ZNF566: variants seen among roughly 807,000 people sequenced by gnomAD.
The protein encoded by ZNF566 is zinc finger protein 566.
ZNF566 carries 27 observed loss-of-function variants against 32.8 expected under a neutral mutation model. The observed-to-expected ratio is 0.82, with a 90% CI of 0.61 to 1.14. ZNF566 has a LOEUF of 1.14. ZNF566 is among the 50% of genes most tolerant of loss of function. ZNF566 has a pLI of 0.00. For synonymous variants in ZNF566, 154 were observed against 159.5 expected, an observed-to-expected ratio of 0.97 and a Z score of 0.26; for missense variants, 402 against 490.4, an observed-to-expected ratio of 0.82 and a Z score of 1.70.
chr19:36,468,223 C>T (rs919877088), intron 4 of ZNF566, among the ~76,000 whole-genome samples: 2 of 150,630 alleles, frequency 1.3e-5, no homozygotes, highest in Non-Finnish European at 2.9e-5. Flanking sequence ...TTGACAATAC[C>T]GTACATTAGG....
intron 1 of ZNF566, among the ~76,000 whole-genome samples, chr19:36,480,169 C>T (rs907002165): frequency 6.6e-6 from 1 of 152,034 alleles, no homozygotes; most frequent in Non-Finnish European, 1.5e-5. Context: ...GATTTCAAGA[C>T]AGCAGTACAG....
At chr19:36,464,405 C>T (rs1204873292) in intron 4 of ZNF566, among the ~76,000 whole-genome samples, 1 of 152,086 alleles carries the variant, frequency 6.6e-6, no homozygotes, top group Non-Finnish European at 1.5e-5. Context: ...AACCCTCCTG[C>T]CTTAACTTCC....
intron 1 of ZNF566, among the ~76,000 whole-genome samples, chr19:36,480,131 GA>G (rs558512822): frequency 4.3e-4 from 65 of 151,670 alleles, no homozygotes; most frequent in African/African-American, 1.5e-3. Flanking sequence ...GCTTGGAAAA[GA>G]AAAAAAGTAG....
intron 4 of ZNF566, among the ~76,000 whole-genome samples, chr19:36,461,888 T>C (rs1484177634): frequency 6.6e-6 from 1 of 152,108 alleles, no homozygotes; most frequent in African/African-American, 2.4e-5. Context: ...ACTTACACTT[T>C]AGTTCTTAAA....
At chr19:36,473,099 A>T (rs2033805455) in intron 3 of ZNF566, 93 bp from the exon 4 acceptor site, 2 of 1,243,744 alleles carry the variant, frequency 1.6e-6, no homozygotes, top group Admixed American at 2.0e-5. Flanking sequence ...ACATGGCATT[A>T]TGAGAAGAGT....
At position 36,449,601 on chromosome 19, in the gene ZNF566, G is replaced by A; in HGVS notation, c.633C>T (p.Pro211=). The change falls in exon 5 of 5, where the codon CCC becomes CCT. Residue 211 remains proline, a synonymous_variant. Coordinates refer to ENST00000452939, the MANE Select transcript of ZNF566 (RefSeq NM_001145344.1). The part of the protein sequence containing the change: ...CKECGKSFRH[P]SRLTHHQKIH... ...TTTTCTGATGATGAGTGAGTCTTGA[G>A]GGATGTCTAAAGGACTTTCCACATT... The A allele has an allele frequency of 6.2e-7, 1 of 1,614,086 alleles. No individual in the cohort carries two copies. The highest frequency in any genetic ancestry group is 1.3e-5 in the African/African-American group (1 of 75,026).
At chr19:36,465,664 G>A (rs956731919) in intron 4 of ZNF566, among the ~76,000 whole-genome samples, 1 of 151,582 alleles carries the variant, frequency 6.6e-6, no homozygotes, top group African/African-American at 2.4e-5. Context: ...TAGTAGAGAC[G>A]GGGTTTCATC....
chr19:36,462,956 CAAAAAAAAAAA>C lies in ZNF566; in HGVS notation c.232+9944_232+9954del, dbSNP rs755283751. 6.5e-4 allele frequency among the ~76,000 whole-genome samples: 25 copies of C among 38,562 alleles called. 1 individual carries two copies. The highest frequency in any genetic ancestry group is 1.9e-3 in the African/African-American group (19 of 10,120). The allele number at this position is 38,562 out of a possible 152,430, so 25.3% of individuals were successfully genotyped here. Reference sequence around the variant, plus strand: ...TGGGTGACACAGCGAGACTCTGTCTCAAAAAAAAAAAAAAAAAAAAAAAAAAAAAAAAAATC... The same window carrying C: ...TGGGTGACACAGCGAGACTCTGTCTCAAAAAAAAAAAAAAAAAAAAAAATC... On this transcript the variant is annotated intron_variant, in intron 4 of 4. Transcript: ENST00000452939.
At chr19:36,461,434 T>C (rs2033458449) in intron 4 of ZNF566, among the ~76,000 whole-genome samples, 1 of 152,026 alleles carries the variant, frequency 6.6e-6, no homozygotes, top group Non-Finnish European at 1.5e-5. Context: ...ACTTTGGGAG[T>C]CCGAGGCAGG....
At chr19:36,473,570 G>T in intron 2 of ZNF566, 112 bp from the exon 3 acceptor site, 1 of 961,158 alleles carries the variant, frequency 1.0e-6, no homozygotes, top group Non-Finnish European at 1.5e-6. Flanking sequence ...GTGAGCATAT[G>T]AATGTCTGGG....
At chr19:36,453,472 CAAATAAAT>C (rs918177874) in intron 4 of ZNF566, among the ~76,000 whole-genome samples, 170 of 143,140 alleles carry the variant, frequency 1.2e-3, no homozygotes, top group African/African-American at 4.2e-3. Context: ...GACTCTATCT[CAAATAAAT>C]AAATAAATAA....
intron 4 of ZNF566, among the ~76,000 whole-genome samples, chr19:36,464,283 G>C (rs983881316): frequency 1.3e-5 from 2 of 152,030 alleles, no homozygotes; most frequent in African/African-American, 4.8e-5. Flanking sequence ...GAGCATTGTT[G>C]ATCAATGAAG....
intron 4 of ZNF566, among the ~76,000 whole-genome samples, chr19:36,471,375 C>T (rs147341821): frequency 6.6e-6 from 1 of 152,088 alleles, no homozygotes; most frequent in African/African-American, 2.4e-5. Context: ...TTGATCTCAT[C>T]TCCCACCCAC....
chr19:36,486,890 C>T (rs954367378), intron 1 of ZNF566, among the ~76,000 whole-genome samples: 7 of 150,858 alleles, frequency 4.6e-5, no homozygotes, highest in Admixed American at 1.3e-4. Context: ...GAGGCTGAGG[C>T]GGGCGGGAGT....
intron 4 of ZNF566, among the ~76,000 whole-genome samples, chr19:36,460,984 G>T (rs1449002111): frequency 1.3e-5 from 2 of 152,170 alleles, no homozygotes; most frequent in African/African-American, 4.8e-5. Flanking sequence ...ATGAAGGTGA[G>T]ATTAAGAAAA....
chr19:36,487,779 C>T (rs563042828), intron 1 of ZNF566, among the ~76,000 whole-genome samples: 29 of 151,688 alleles, frequency 1.9e-4, no homozygotes, highest in Non-Finnish European at 4.0e-4. Context: ...TGCCTGTAAT[C>T]CCAGCTACTC....
At chr19:36,469,121 A>G (rs1329929121) in intron 4 of ZNF566, among the ~76,000 whole-genome samples, 1 of 151,938 alleles carries the variant, frequency 6.6e-6, no homozygotes, top group African/African-American at 2.4e-5. Flanking sequence ...CCAGTATACA[A>G]AGAAATCACT....
At chr19:36,453,289 A>G (rs1230223973) in intron 4 of ZNF566, among the ~76,000 whole-genome samples, 2 of 151,708 alleles carry the variant, frequency 1.3e-5, no homozygotes, top group East Asian at 3.9e-4. Flanking sequence ...CCTGGCCAAC[A>G]TTGTGAAACC....
In ZNF566 at chr19:36,451,166, C is replaced by A. The variant is rs981842112; in HGVS notation, c.233-1165G>T. Among the ~76,000 whole-genome samples, 3 of 152,260 alleles carry A rather than the reference C, an allele frequency of 2.0e-5. No individual in the cohort carries two copies. In the East Asian group the frequency reaches 5.8e-4, roughly 29 times the overall value. On this transcript the variant is annotated intron_variant, in intron 4 of 4. Transcript: ENST00000452939. ...TCACAAATATAAAACATTTCCATCACCACTGAATGTTCTCTTGGATAGCCC... is the reference window on the plus strand; with the variant it reads ...TCACAAATATAAAACATTTCCATCAACACTGAATGTTCTCTTGGATAGCCC...
Sources: gnomAD v4.1 joint callset for allele counts (sites outside exome capture counted in the v4.1 genomes callset) on GRCh38, gnomAD v4.1.1 for gene constraint, MANE v1.5 for transcripts, NCBI Gene and HGNC (gene_info 2026-07-23, HGNC 2026-07-21) for gene names.